Variants in FAM114A1 observed in about 807,000 individuals in gnomAD.
The protein encoded by FAM114A1 is family with sequence similarity 114 member A1.
Under a neutral mutation model 64.3 loss-of-function variants are expected in FAM114A1, and 62 were observed. The ratio of observed to expected loss-of-function variants is 0.96; its 90% CI spans 0.79 to 1.19. FAM114A1 has a LOEUF of 1.19. FAM114A1 is among the 50% of genes most tolerant of loss of function. The pLI is 0.00. For synonymous variants in FAM114A1, 254 were observed against 251.1 expected (o/e 1.01, Z -0.11); for missense variants, 645 against 676.3 (o/e 0.95, Z 0.51).
At chr4:38,912,027 ATTT>A (rs967098655) in intron 7 of FAM114A1, among the ~76,000 whole-genome samples, 2 of 151,264 alleles carry the variant, frequency 1.3e-5, no homozygotes, top group African/African-American at 2.4e-5. Flanking sequence ...CGCCCGGCTA[ATTT>A]TTGTATTTTT....
At chr4:38,921,914 A>G (rs1369653635) in intron 8 of FAM114A1, among the ~76,000 whole-genome samples, 1 of 152,182 alleles carries the variant, frequency 6.6e-6, no homozygotes, top group East Asian at 1.9e-4. Flanking sequence ...TTATGTTTAT[A>G]TATGGATGCA....
chr4:38,905,972 A>T, intron 6 of FAM114A1, 111 bp downstream of exon 6: 1 of 920,150 alleles, frequency 1.1e-6, no homozygotes, highest in Non-Finnish European at 1.6e-6. Flanking sequence ...CCTTGCTCAG[A>T]ACTTTGGATT....
chr4:38,870,325 G>T (rs1351621866), intron 2 of FAM114A1, among the ~76,000 whole-genome samples: 2 of 152,140 alleles, frequency 1.3e-5, no homozygotes, highest in African/African-American at 4.8e-5. Context: ...ATTCTCCCTT[G>T]CACAGGGTCA....
intron 9 of FAM114A1, among the ~76,000 whole-genome samples, chr4:38,925,316 T>G (rs528344379): frequency 6.6e-6 from 1 of 152,312 alleles, no homozygotes; most frequent in African/African-American, 2.4e-5. Context: ...AATGAAGAAC[T>G]GGGAGAAAAG....
intron 3 of FAM114A1, among the ~76,000 whole-genome samples, chr4:38,878,919 A>G (rs1444803367): frequency 6.6e-6 from 1 of 152,236 alleles, no homozygotes; most frequent in Admixed American, 6.5e-5. Flanking sequence ...ATGTATATTT[A>G]CAAGTCCATA....
At chr4:38,898,986 A>T (rs1420199854) in intron 4 of FAM114A1, among the ~76,000 whole-genome samples, 1 of 107,470 alleles carries the variant, frequency 9.3e-6, no homozygotes, top group Non-Finnish European at 2.3e-5. Context: ...TTATATATGT[A>T]ATATATGTTA....
chr4:38,911,235 G>A (rs1284812997), intron 7 of FAM114A1, among the ~76,000 whole-genome samples: 1 of 152,208 alleles, frequency 6.6e-6, no homozygotes, highest in Non-Finnish European at 1.5e-5. Flanking sequence ...AGAAAAATGG[G>A]TGAAAGTGTC....
At chr4:38,929,170 A>T in intron 9 of FAM114A1, 72 bp from the exon 10 acceptor site, 1 of 1,194,424 alleles carries the variant, frequency 8.4e-7, no homozygotes, top group Non-Finnish European at 1.2e-6. Context: ...GCAGGCTGTA[A>T]TGTTGGGGGA....
chr4:38,923,045 C>CAGA, intron 9 of FAM114A1, 152 bp downstream of exon 9: 1 of 943,274 alleles, frequency 1.1e-6, no homozygotes, highest in Non-Finnish European at 1.5e-6. Flanking sequence ...GTTACAGGAG[C>CAGA]TGGTCACATT....
chr4:38,891,405 A>G lies in FAM114A1; in HGVS notation c.349-338A>G, dbSNP rs562448792. Among the ~76,000 whole-genome samples, 8 of 152,256 alleles carry G rather than the reference A, an allele frequency of 5.3e-5. No individual in the cohort carries two copies. The South Asian group carries it at 1.0e-3, about 20-fold the overall frequency. On this transcript the variant is annotated intron_variant, in intron 3 of 14. Transcript: ENST00000358869. ...GTCCAGATCATTTTGAACTTTTTCA[A>G]ATCCCTCTTGTGCCCTCATGCGTAT... is the stretch of plus-strand genomic sequence containing the variant.
chr4:38,869,596 C>T (rs148653892), intron 2 of FAM114A1, among the ~76,000 whole-genome samples: 1,826 of 152,292 alleles, frequency 0.012, 34 homozygotes, highest in Non-Finnish European at 0.014. Flanking sequence ...AGAGAATAGG[C>T]TGGAGCCTGG....
At position 38,945,703 on chromosome 4, in the gene FAM114A1, A is replaced by C. The variant is rs1721909064; in HGVS notation, c.*2146A>C. On this transcript the variant is annotated 3_prime_UTR_variant, in exon 15 of 15. Coordinates refer to ENST00000358869, the MANE Select transcript of FAM114A1 (RefSeq NM_138389.4). ...ACACTTTATGTACAATCTGGAAAAA[A>C]ATTACCTGAGAAATCAATTAAAGAT... The C allele has an allele frequency of 6.6e-6, 1 of 152,206 alleles. No individual in the cohort carries two copies. Among genetic ancestry groups the C allele is most frequent in the Non-Finnish European group, 1.5e-5 (1 of 68,040 alleles). 9.4% of individuals were successfully genotyped at this position (152,206 alleles called of 1,614,324 possible). A position where few individuals can be genotyped will look rare whatever the true frequency, so the allele number is the denominator to read the frequency against.
intron 9 of FAM114A1, among the ~76,000 whole-genome samples, chr4:38,923,785 A>G (rs1437956949): frequency 6.6e-6 from 1 of 152,204 alleles, no homozygotes; most frequent in Non-Finnish European, 1.5e-5. Flanking sequence ...TCTTCCACCC[A>G]GATGATAACT....
At chr4:38,882,238 G>A (rs1393648097) in intron 3 of FAM114A1, among the ~76,000 whole-genome samples, 23 of 140,412 alleles carry the variant, frequency 1.6e-4, no homozygotes, top group Non-Finnish European at 3.3e-4. Flanking sequence ...CGTGAACCCG[G>A]GAAGCGGAGC....
At chr4:38,868,974 A>C (rs1387495903) in intron 2 of FAM114A1, among the ~76,000 whole-genome samples, 1 of 152,224 alleles carries the variant, frequency 6.6e-6, no homozygotes, top group Non-Finnish European at 1.5e-5. Flanking sequence ...GACAGTGCAG[A>C]AGGAATTTGA....
chr4:38,879,655 C>G (rs1165060575), intron 3 of FAM114A1, among the ~76,000 whole-genome samples: 1 of 152,138 alleles, frequency 6.6e-6, no homozygotes, highest in Non-Finnish European at 1.5e-5. Context: ...GCTGAACAGT[C>G]ATTTTGTAGG....
rs2055577 is a variant in FAM114A1 at position 38,885,607 on chromosome 4, A to G, written c.349-6136A>G. On this transcript the variant is annotated intron_variant, in intron 3 of 14. Transcript: ENST00000358869. ...AATACCTTTATTTTTACCATCTAGA[A>G]CCCCTTTCAGATATTGAGAATGCTA... 2.2e-3 allele frequency among the ~76,000 whole-genome samples: 340 copies of G among 152,086 alleles called. 7 individuals carry two copies. The East Asian group carries it at 0.058, about 26-fold the overall frequency.
At chr4:38,916,462 C>T (rs1049280259) in intron 8 of FAM114A1, among the ~76,000 whole-genome samples, 5 of 152,060 alleles carry the variant, frequency 3.3e-5, no homozygotes, top group African/African-American at 7.2e-5. Context: ...GGCTATACAC[C>T]GTGGAATACT....
At chr4:38,912,103 C>T (rs1177678782) in intron 7 of FAM114A1, among the ~76,000 whole-genome samples, 1 of 151,824 alleles carries the variant, frequency 6.6e-6, no homozygotes, top group South Asian at 2.1e-4. Context: ...TCAAGTGATC[C>T]ACCCTATTTG....
Sources: gnomAD v4.1 joint callset for allele counts (sites outside exome capture counted in the v4.1 genomes callset) on GRCh38, gnomAD v4.1.1 for gene constraint, MANE v1.5 for transcripts, NCBI Gene and HGNC (gene_info 2026-07-23, HGNC 2026-07-21) for gene names.